Variants in ECPAS observed in about 807,000 individuals in gnomAD.
The protein encoded by ECPAS is Ecm29 proteasome adaptor and scaffold, also known as proteasome adapter and scaffold protein ECM29.
ECPAS carries 70 observed loss-of-function variants against 255.1 expected under a neutral mutation model. The observed-to-expected ratio is 0.27, with a 90% CI of 0.23 to 0.33. ECPAS has a LOEUF of 0.33. Ranked by LOEUF, ECPAS falls within the 10% of genes least tolerant of loss-of-function variation. The pLI is 1.00. For missense variants in ECPAS, 1,817 were observed against 2,206.4 expected (o/e 0.82, Z 3.54); for synonymous variants, 784 against 775.0 (o/e 1.01, Z -0.19).
At chr9:111,384,139 A>C (rs1017833579) in intron 34 of ECPAS, among the ~76,000 whole-genome samples, 4 of 152,216 alleles carry the variant, frequency 2.6e-5, no homozygotes, top group Non-Finnish European at 5.9e-5. Context: ...GATATATCAC[A>C]AAATCAAGTT....
At chr9:111,409,088 T>C (rs973443642) in intron 23 of ECPAS, among the ~76,000 whole-genome samples, 29 of 152,236 alleles carry the variant, frequency 1.9e-4, no homozygotes, top group African/African-American at 6.8e-4. Flanking sequence ...ATGACAACTG[T>C]GCCTATTTCA....
At chr9:111,384,253 C>T (rs2098144318) in intron 34 of ECPAS, among the ~76,000 whole-genome samples, 1 of 152,138 alleles carries the variant, frequency 6.6e-6, no homozygotes, top group Non-Finnish European at 1.5e-5. Flanking sequence ...ACAGGTGTTG[C>T]TTGATCTGAG....
chr9:111,450,720 G>A (rs770857957), intron 3 of ECPAS, among the ~76,000 whole-genome samples: 13 of 152,172 alleles, frequency 8.5e-5, no homozygotes, highest in Non-Finnish European at 1.2e-4. Context: ...TTGAGCTCAG[G>A]AGTTTGAGAC....
At chr9:111,479,980 CAA>C (rs55754008) in intron 1 of ECPAS, among the ~76,000 whole-genome samples, 10 of 79,572 alleles carry the variant, frequency 1.3e-4, no homozygotes, top group East Asian at 3.1e-4. Flanking sequence ...AACTCCGTCT[CAA>C]AAAAAAAAAA....
chr9:111,373,505 G>T, intron 39 of ECPAS, 99 bp from the exon 40 acceptor site: 3 of 870,044 alleles, frequency 3.4e-6, no homozygotes, highest in South Asian at 1.5e-5. Context: ...ATTAACATCT[G>T]ATTTACTCCA....
At chr9:111,391,973 G>A in intron 28 of ECPAS, 149 bp from the exon 29 acceptor site, 2 of 635,680 alleles carry the variant, frequency 3.1e-6, no homozygotes, top group Non-Finnish European at 5.6e-6. Flanking sequence ...GGGCGCGGTG[G>A]CTCACACCTA....
intron 2 of ECPAS, among the ~76,000 whole-genome samples, chr9:111,453,898 A>C (rs2098263582): frequency 6.6e-6 from 1 of 152,158 alleles, no homozygotes; most frequent in African/African-American, 2.4e-5. Context: ...ATCACAACTA[A>C]ATGGTCCCTT....
intron 25 of ECPAS, 27 bp downstream of exon 25, chr9:111,397,003 T>A (rs1172170958): frequency 1.2e-6 from 2 of 1,613,618 alleles, no homozygotes; most frequent in South Asian, 2.2e-5. Context: ...TTGATCATTA[T>A]AAATCGATTA....
intron 24 of ECPAS, among the ~76,000 whole-genome samples, chr9:111,404,706 T>C (rs1163259459): frequency 6.7e-6 from 1 of 148,986 alleles, no homozygotes; most frequent in African/African-American, 2.6e-5. Context: ...TTAAACCTGT[T>C]TTCTTTATAA....
At chr9:111,435,316 T>C (rs2131866661) in intron 7 of ECPAS, among the ~76,000 whole-genome samples, 1 of 152,312 alleles carries the variant, frequency 6.6e-6, no homozygotes, top group East Asian at 1.9e-4. Flanking sequence ...ATTTTAAAAT[T>C]AGAGGAAAAT....
chr9:111,408,310 T>C (rs1348741048), intron 24 of ECPAS, among the ~76,000 whole-genome samples: 1 of 152,196 alleles, frequency 6.6e-6, no homozygotes, highest in Non-Finnish European at 1.5e-5. Context: ...TGACGGGCTA[T>C]GTGGATATGT....
At chr9:111,426,921 G>A (rs762972658) in intron 10 of ECPAS, among the ~76,000 whole-genome samples, 47 of 152,102 alleles carry the variant, frequency 3.1e-4, no homozygotes, top group Non-Finnish European at 6.0e-4. Flanking sequence ...AGTAAGCCTA[G>A]ATCACACCAC....
chr9:111,402,076 A>G (rs2098176934), intron 24 of ECPAS, among the ~76,000 whole-genome samples: 1 of 152,240 alleles, frequency 6.6e-6, no homozygotes, highest in African/African-American at 2.4e-5. Flanking sequence ...TTGATTGAGG[A>G]AGTGATAAAT....
rs2098219977 is a variant in ECPAS at position 111,425,351 on chromosome 9, C to G, written c.1215+67G>C. On this transcript the variant is annotated intron_variant, in intron 12 of 49. Coordinates refer to ENST00000684092, the MANE Select transcript of ECPAS (RefSeq NM_001364929.1). Reference sequence around the variant, plus strand: ...CTTTTAACTAACTACATTGACAGACCAGAAATATTATAGAAAATACTTTAA... The same window carrying G: ...CTTTTAACTAACTACATTGACAGACGAGAAATATTATAGAAAATACTTTAA... 2.9e-6 allele frequency: 3 copies of G among 1,036,220 alleles called. No individual in the cohort carries two copies. The African/African-American group carries it at 4.9e-5, about 17-fold the overall frequency. The allele number at this position is 1,036,220 out of a possible 1,614,324, so 64.2% of individuals were successfully genotyped here. A position where few individuals can be genotyped will look rare whatever the true frequency, so the allele number is the denominator to read the frequency against.
At chr9:111,367,744 A>T (rs1246159767) in intron 46 of ECPAS, among the ~76,000 whole-genome samples, 1 of 152,156 alleles carries the variant, frequency 6.6e-6, no homozygotes, top group Non-Finnish European at 1.5e-5. Flanking sequence ...TACTTTTTAT[A>T]ACATTCAATA....
chr9:111,433,117 T>C, intron 8 of ECPAS, 116 bp downstream of exon 8: 1 of 992,858 alleles, frequency 1.0e-6, no homozygotes, highest in Non-Finnish European at 1.5e-6. Flanking sequence ...GTATATTTAA[T>C]AATCTCCTCT....
Position 111,372,636 on chromosome 9 carries a change from C to A in ECPAS, c.4337-16G>T. ...TAGATAGGTTCTGAAAAGGAGAAAC[C>A]AAAATCTTTACGATATTTATTGTTT... On this transcript the variant is annotated splice_polypyrimidine_tract_variant and intron_variant, in intron 41 of 49. Coordinates refer to ENST00000684092, the MANE Select transcript of ECPAS (RefSeq NM_001364929.1). 6.3e-7 allele frequency: 1 copy of A among 1,581,868 alleles called. No homozygotes were observed. Among genetic ancestry groups the A allele is most frequent in the South Asian group, 1.1e-5 (1 of 87,530 alleles).
intron 3 of ECPAS, 108 bp from the exon 4 acceptor site, chr9:111,444,602 T>C: frequency 1.4e-6 from 1 of 719,840 alleles, no homozygotes; most frequent in Non-Finnish European, 2.4e-6. Flanking sequence ...AGTAGCTACT[T>C]TGTTCTTTTA....
chr9:111,457,287 AG>A (rs2098268079), intron 2 of ECPAS, among the ~76,000 whole-genome samples: 1 of 152,162 alleles, frequency 6.6e-6, no homozygotes, highest in Non-Finnish European at 1.5e-5. Context: ...ATGAAAGGGG[AG>A]GGGAACAGTT....
Sources: gnomAD v4.1 joint callset for allele counts (sites outside exome capture counted in the v4.1 genomes callset) on GRCh38, gnomAD v4.1.1 for gene constraint, MANE v1.5 for transcripts, NCBI Gene and HGNC (gene_info 2026-07-23, HGNC 2026-07-21) for gene names.